Variants in SEL1L2 observed in about 807,000 individuals in gnomAD.
SEL1L2 encodes the protein protein sel-1 homolog 2.
Under a neutral mutation model 98.8 loss-of-function variants are expected in SEL1L2, and 89 were observed. The observed-to-expected ratio is 0.90, with a 90% CI of 0.76 to 1.07. The LOEUF is 1.07. Among genes scored for constraint, SEL1L2 ranks in the 50% least tolerant of loss-of-function variants. The pLI, the probability that SEL1L2 is intolerant of heterozygous loss-of-function variation, is 0.00. For missense variants in SEL1L2, 788 were observed against 812.0 expected (o/e 0.97, Z 0.36); for synonymous variants, 262 against 278.5 (o/e 0.94, Z 0.59).
rs752284504 is a variant in SEL1L2 at position 13,913,781 on chromosome 20, C to G, written c.549+1G>C. 6.6e-7 allele frequency: 1 copy of G among 1,513,312 alleles called. No individual in the cohort carries two copies. The highest frequency in any genetic ancestry group is 1.5e-5 in the African/African-American group (1 of 68,570). The allele number at this position is 1,513,312 out of a possible 1,614,324, so 93.7% of individuals were successfully genotyped here. On this transcript the variant is annotated splice_donor_variant, in intron 5 of 19. Coordinates refer to ENST00000284951, the MANE Select transcript of SEL1L2 (RefSeq NM_025229.2). LOFTEE classifies it high-confidence loss of function. ...AGGTTTCATTTTCCTTCAAAACTCA[C>G]GTTTTGGGCTTTACATGATCCTTCT...
chr20:13,869,627 A>G (rs1350839553), intron 13 of SEL1L2, 37 bp from the exon 14 acceptor site: 3 of 1,519,266 alleles, frequency 2.0e-6, no homozygotes, highest in Non-Finnish European at 1.8e-6. Context: ...CAAAGGCACA[A>G]GTAAAACTCC....
chr20:13,942,183 G>T (rs1295271241), intron 2 of SEL1L2, among the ~76,000 whole-genome samples: 2 of 152,150 alleles, frequency 1.3e-5, no homozygotes, highest in African/African-American at 4.8e-5. Context: ...ATATAATGTG[G>T]CAGAGAACAC....
rs557474359 is a variant in SEL1L2 at position 13,903,641 on chromosome 20, T to C, written c.549+10141A>G. Among the ~76,000 whole-genome samples the C allele has an allele frequency of 7.2e-5, 11 of 152,212 alleles. No homozygotes were observed. The South Asian group carries it at 1.9e-3, about 26-fold the overall frequency. ...CAGCCTGATCAACATGGTGAAACCC[T>C]GTCTCTACTAAAAATACAAAAATTA... On this transcript the variant is annotated intron_variant, in intron 5 of 19. Transcript: ENST00000284951.
At chr20:13,876,144 A>G in intron 11 of SEL1L2, 29 bp from the exon 12 acceptor site, 1 of 1,500,056 alleles carries the variant, frequency 6.7e-7, no homozygotes, top group East Asian at 2.3e-5. Context: ...AGAGGATAGA[A>G]AAAACAAAAT....
chr20:13,906,740 C>A (rs918941024), intron 5 of SEL1L2, among the ~76,000 whole-genome samples: 33 of 152,092 alleles, frequency 2.2e-4, no homozygotes, highest in African/African-American at 8.0e-4. Flanking sequence ...GTGCAGTGGC[C>A]CCATCTAGGC....
chr20:13,875,517 A>G (rs1397158591), intron 12 of SEL1L2, among the ~76,000 whole-genome samples: 1 of 152,234 alleles, frequency 6.6e-6, no homozygotes, highest in African/African-American at 2.4e-5. Flanking sequence ...CATTCAAGCC[A>G]GGGATTCTGT....
Position 13,949,579 on chromosome 20 carries a change from C to T in SEL1L2, c.114+6497G>A, listed in dbSNP as rs564921539. 9.2e-5 allele frequency among the ~76,000 whole-genome samples: 14 copies of T among 152,190 alleles called. No homozygotes were observed. The South Asian group carries it at 1.9e-3, about 20-fold the overall frequency. On this transcript the variant is annotated intron_variant, in intron 2 of 19. Coordinates refer to ENST00000284951, the MANE Select transcript of SEL1L2 (RefSeq NM_025229.2). ...TCGGGAGGCTGAGGCAGGAGAATGG[C>T]ATGAACCCAGGAGGCCGAGCTTGCA...
rs779584914 is a variant in SEL1L2, at chr20:13,939,035, G to GTTTTTTTTTTT, written c.115-7265_115-7264insAAAAAAAAAAA. Among the ~76,000 whole-genome samples, 174 of 31,394 alleles carry GTTTTTTTTTTT rather than the reference G, an allele frequency of 5.5e-3. 16 individuals are homozygous for GTTTTTTTTTTT. The highest frequency in any genetic ancestry group is 8.5e-3 in the African/African-American group (79 of 9,294). The allele number at this position is 31,394 out of a possible 152,430, so 20.6% of individuals were successfully genotyped here. ...TTTTTTCTTTTTGGTTTGTTTGCTTGTTTTGTTTTTTTTTTTTTTTTTTTC... is the reference window on the plus strand; with the variant it reads ...TTTTTTCTTTTTGGTTTGTTTGCTTGTTTTTTTTTTTTTTTGTTTTTTTTTTTTTTTTTTTC... On this transcript the variant is annotated intron_variant, in intron 2 of 19. Transcript: ENST00000284951.
intron 2 of SEL1L2, among the ~76,000 whole-genome samples, chr20:13,953,942 T>C (rs1376604756): frequency 6.6e-6 from 1 of 152,208 alleles, no homozygotes; most frequent in Non-Finnish European, 1.5e-5. Context: ...TGGGGGTTTA[T>C]TACCTCTGTA....
chr20:13,990,023 T>C (rs900714506), intron 1 of SEL1L2, among the ~76,000 whole-genome samples: 5 of 152,228 alleles, frequency 3.3e-5, no homozygotes, highest in Non-Finnish European at 7.3e-5. Context: ...AGTAACTATT[T>C]AGGAAACATT....
chr20:13,855,807 C>T (rs980559063), intron 18 of SEL1L2, among the ~76,000 whole-genome samples: 3 of 152,260 alleles, frequency 2.0e-5, no homozygotes, highest in South Asian at 2.1e-4. Flanking sequence ...TCCACTTCCA[C>T]GCCCTTGCGA....
chr20:13,904,729 T>C (rs117247282), intron 5 of SEL1L2, among the ~76,000 whole-genome samples: 3,049 of 152,260 alleles, frequency 0.02, 48 homozygotes, highest in Non-Finnish European at 0.03. Flanking sequence ...TAAGGATATC[T>C]TCTGCCAATA....
chr20:13,948,759 A>C (rs1409034287), intron 2 of SEL1L2, among the ~76,000 whole-genome samples: 1 of 152,218 alleles, frequency 6.6e-6, no homozygotes, highest in African/African-American at 2.4e-5. Flanking sequence ...TGCATGCCAC[A>C]CAGAAAGCCA....
intron 5 of SEL1L2, among the ~76,000 whole-genome samples, chr20:13,891,897 T>G (rs1013541085): frequency 2.0e-5 from 3 of 152,142 alleles, no homozygotes; most frequent in Non-Finnish European, 2.9e-5. Flanking sequence ...TATGAAATTA[T>G]AAAGCTCTAT....
chr20:13,873,515 C>T (rs2046297786), intron 12 of SEL1L2, among the ~76,000 whole-genome samples: 1 of 152,204 alleles, frequency 6.6e-6, no homozygotes, highest in East Asian at 1.9e-4. Context: ...GCATGTGCCA[C>T]CATGCCCAGC....
At chr20:13,941,842 G>C (rs1164060277) in intron 2 of SEL1L2, among the ~76,000 whole-genome samples, 1 of 152,170 alleles carries the variant, frequency 6.6e-6, no homozygotes. Context: ...TGATAGATAG[G>C]TGGGAAGTAA....
At position 13,912,874 on chromosome 20, in the gene SEL1L2, T is replaced by C. The variant is rs1325621071; in HGVS notation, c.549+908A>G. ...GTTTGCCAATCAGAGGTCATTTCTATCAGAAGCAAGCTTAACTAAAAATAT... is the reference window on the plus strand; with the variant it reads ...GTTTGCCAATCAGAGGTCATTTCTACCAGAAGCAAGCTTAACTAAAAATAT... On this transcript the variant is annotated intron_variant, in intron 5 of 19. Coordinates refer to ENST00000284951, the MANE Select transcript of SEL1L2 (RefSeq NM_025229.2). Among the ~76,000 whole-genome samples, 4 of 152,220 alleles carry C rather than the reference T, an allele frequency of 2.6e-5. No individual in the cohort carries two copies. In the East Asian group the frequency reaches 7.7e-4, roughly 29 times the overall value.
At chr20:13,873,710 G>A (rs2046306652) in intron 12 of SEL1L2, among the ~76,000 whole-genome samples, 1 of 152,178 alleles carries the variant, frequency 6.6e-6, no homozygotes, top group Admixed American at 6.6e-5. Context: ...CATATGTATA[G>A]CCAAACCCTG....
chr20:13,878,045 G>A (rs374085182), intron 10 of SEL1L2, among the ~76,000 whole-genome samples: 32 of 152,270 alleles, frequency 2.1e-4, no homozygotes, highest in African/African-American at 6.3e-4. Context: ...ACACTTGGCC[G>A]GCTGCTGAGA....
Sources: gnomAD v4.1 joint callset for allele counts (sites outside exome capture counted in the v4.1 genomes callset) on GRCh38, gnomAD v4.1.1 for gene constraint, MANE v1.5 for transcripts, NCBI Gene and HGNC (gene_info 2026-07-23, HGNC 2026-07-21) for gene names.